Variants in GPAM observed in about 807,000 individuals in gnomAD.
GPAM encodes the protein glycerol-3-phosphate acyltransferase 1, mitochondrial.
In GPAM, 56 loss-of-function variants were observed where a neutral mutation model predicts 105.0. That is an observed-to-expected ratio of 0.53 (90% confidence interval 0.43 to 0.67). The LOEUF (loss-of-function observed/expected upper bound fraction) is 0.67. Ranked by LOEUF, GPAM falls within the 30% of genes least tolerant of loss-of-function variation. The probability of loss-of-function intolerance (pLI) is 0.00; values close to 1 mark genes in which losing one functional copy is unlikely to be tolerated. For synonymous variants in GPAM, 368 were observed against 354.4 expected (o/e 1.04, Z -0.43); for missense variants, 855 against 989.8 (o/e 0.86, Z 1.83).
chr10:112,185,571 G>GACACACACACAC (rs55812271), upstream of GPAM, among the ~76,000 whole-genome samples: 3 of 143,692 alleles, frequency 2.1e-5, no homozygotes, highest in African/African-American at 7.8e-5. Flanking sequence ...CACACACACA[G>GACACACACACAC]ACACACACAC....
At chr10:112,157,753 G>A (rs1486698384) in intron 18 of GPAM, among the ~76,000 whole-genome samples, 1 of 152,196 alleles carries the variant, frequency 6.6e-6, no homozygotes, top group Admixed American at 6.5e-5. Flanking sequence ...ATACTGATAG[G>A]TGTAACGTCT....
At chr10:112,216,549 C>T (rs1847970843), upstream of GPAM, among the ~76,000 whole-genome samples, 1 of 152,180 alleles carries the variant, frequency 6.6e-6, no homozygotes, top group African/African-American at 2.4e-5. Flanking sequence ...GGACCCCCTG[C>T]AGGGCTCCTA....
rs140510756 is a variant in GPAM, at chr10:112,209,914, C to A, written n.210+5254G>T. Among the ~76,000 whole-genome samples the A allele has an allele frequency of 3.4e-3, 517 of 152,346 alleles. 3 individuals carry two copies. Among genetic ancestry groups the A allele is most frequent in the African/African-American group, 0.012 (493 of 41,590 alleles). On this transcript the variant is annotated intron_variant and non_coding_transcript_variant, in intron 1 of 3. Transcript: ENST00000480130. ...ACAGCTACACTTCCCGCCAGCCCCA[C>A]AGGGCATGGGTAGAGTTTGCATGCA...
Position 112,180,470 on chromosome 10 carries a change from T to C in GPAM, c.225+3A>G. On this transcript the variant is annotated splice_donor_region_variant and intron_variant, in intron 4 of 21. Coordinates refer to ENST00000348367, the MANE Select transcript of GPAM (RefSeq NM_001244949.2). ...TAGGGTCAATAAGCAGTAAGGTTCTTACCCAGCTCTGGGGAGTGCAGGAGT... is the reference window on the plus strand; with the variant it reads ...TAGGGTCAATAAGCAGTAAGGTTCTCACCCAGCTCTGGGGAGTGCAGGAGT... 2 of 1,613,632 alleles carry C rather than the reference T, an allele frequency of 1.2e-6. No individual in the cohort carries two copies. Among genetic ancestry groups the C allele is most frequent in the South Asian group, 1.1e-5 (1 of 91,064 alleles).
At chr10:112,179,825 C>T (rs879582056) in intron 4 of GPAM, among the ~76,000 whole-genome samples, 3 of 152,192 alleles carry the variant, frequency 2.0e-5, no homozygotes, top group Non-Finnish European at 4.4e-5. Context: ...AACACAACTA[C>T]GTGAAGTTCT....
intron 7 of GPAM, 102 bp from the exon 8 acceptor site, chr10:112,173,168 T>C (rs1847342781): frequency 1.3e-6 from 1 of 746,724 alleles, no homozygotes; most frequent in Non-Finnish European, 2.4e-6. Flanking sequence ...TTTATGGACC[T>C]ACAACCTCAA....
chr10:112,176,590 C>T (rs773722762), intron 5 of GPAM, among the ~76,000 whole-genome samples: 2 of 152,148 alleles, frequency 1.3e-5, no homozygotes, highest in Non-Finnish European at 2.9e-5. Flanking sequence ...CTTTTTCTTC[C>T]TCCCTTCCTT....
rs1846899654 is a variant in GPAM, at chr10:112,150,679, C to G, written c.*2871G>C. The G allele has an allele frequency of 2.2e-6, 2 of 922,462 alleles. No homozygotes were observed. The highest frequency in any genetic ancestry group is 2.6e-6 in the Non-Finnish European group (2 of 772,758). The allele number at this position is 922,462 out of a possible 1,614,324, so 57.1% of individuals were successfully genotyped here. The stretch of plus-strand genomic sequence containing the variant: ...ATAGTTTGGGCAATGCTGGGTTAGA[C>G]AGTTTTTCACTACCGGATGCCAAGC... On this transcript the variant is annotated 3_prime_UTR_variant, in exon 22 of 22. Transcript: ENST00000348367.
intron 1 of GPAM, among the ~76,000 whole-genome samples, chr10:112,201,131 T>C (rs1296832982): frequency 2.0e-5 from 3 of 152,148 alleles, no homozygotes; most frequent in Admixed American, 6.5e-5. Flanking sequence ...GGTAGTGACA[T>C]TGGCCAGAAG....
chr10:112,161,783 C>A, intron 14 of GPAM, 46 bp from the exon 15 acceptor site: 1 of 1,456,210 alleles, frequency 6.9e-7, no homozygotes, highest in Non-Finnish European at 9.6e-7. Context: ...TTTTTACAAA[C>A]ATAGCTGAAC....
At position 112,153,344 on chromosome 10, in the gene GPAM, C is replaced by T; in HGVS notation, c.*206G>A. 2.0e-6 allele frequency: 3 copies of T among 1,481,078 alleles called. No homozygotes were observed. The highest frequency in any genetic ancestry group is 1.8e-6 in the Non-Finnish European group (2 of 1,121,348). The allele number at this position is 1,481,078 out of a possible 1,614,324, so 91.7% of individuals were successfully genotyped here. Reference sequence around the variant, plus strand: ...TTGCGAATAGAGGCTGAGGTCCCCCCAAGTGTTATCTGCAGGCTGCTGTGT... The same window carrying T: ...TTGCGAATAGAGGCTGAGGTCCCCCTAAGTGTTATCTGCAGGCTGCTGTGT... On this transcript the variant is annotated 3_prime_UTR_variant, in exon 22 of 22. Transcript: ENST00000348367.
chr10:112,213,742 C>T (rs1000721622), intron 1 of GPAM, among the ~76,000 whole-genome samples: 4 of 152,256 alleles, frequency 2.6e-5, no homozygotes, highest in Admixed American at 6.5e-5. Context: ...GACAAGATAA[C>T]ATGTGATAAG....
chr10:112,206,732 G>C (rs1396648670), intron 1 of GPAM, among the ~76,000 whole-genome samples: 1 of 150,794 alleles, frequency 6.6e-6, no homozygotes, highest in Admixed American at 6.6e-5. Context: ...TGACACGTTA[G>C]TGTGTGCAGT....
Position 112,151,134 on chromosome 10 carries a change from C to G in GPAM, c.*2416G>C. 1.0e-6 allele frequency: 1 copy of G among 983,130 alleles called. No homozygotes were observed. The highest frequency in any genetic ancestry group is 1.2e-6 in the Non-Finnish European group (1 of 827,880). 60.9% of individuals were successfully genotyped at this position (983,130 alleles called of 1,614,324 possible). On this transcript the variant is annotated 3_prime_UTR_variant, in exon 22 of 22. Transcript: ENST00000348367. The stretch of plus-strand genomic sequence containing the variant: ...TATTGTTTTTTTTTTTTAACTTGAC[C>G]ACAGTCTTCCCCTGAAGAAGGGCAT...
chr10:112,181,872 T>A, intron 2 of GPAM, 59 bp from the exon 3 acceptor site: 3 of 778,442 alleles, frequency 3.9e-6, no homozygotes, highest in Non-Finnish European at 6.8e-6. Context: ...ATACTAGAAC[T>A]CAAAATTCTG....
intron 1 of GPAM, among the ~76,000 whole-genome samples, chr10:112,200,227 G>GTGTATA (rs1467375583): frequency 3.6e-4 from 31 of 84,982 alleles, no homozygotes; most frequent in Middle Eastern, 6.9e-3. Context: ...CACACTATAT[G>GTGTATA]TATATATATA....
Position 112,151,285 on chromosome 10 carries a change from A to G in GPAM, c.*2265T>C. 1.7e-5 allele frequency: 17 copies of G among 985,656 alleles called. No individual in the cohort carries two copies. The highest frequency in any genetic ancestry group is 2.0e-5 in the Non-Finnish European group (17 of 829,850). 61.1% of individuals were successfully genotyped at this position (985,656 alleles called of 1,614,324 possible). On this transcript the variant is annotated 3_prime_UTR_variant, in exon 22 of 22. Transcript: ENST00000348367. ...CAATGAGAATGTATCTTTTAGCAAA[A>G]CGGTGCTATCTGGAAGCTTCATTGT...
intron 17 of GPAM, among the ~76,000 whole-genome samples, chr10:112,159,216 C>CTTTT (rs35513817): frequency 0.016 from 1,372 of 86,958 alleles, 119 homozygotes; most frequent in African/African-American, 0.056. Context: ...AGATGATTTT[C>CTTTT]TTTTTTTTTT....
intron 1 of GPAM, among the ~76,000 whole-genome samples, chr10:112,191,037 C>T (rs894616756): frequency 1.3e-5 from 2 of 152,292 alleles, no homozygotes; most frequent in South Asian, 2.1e-4. Context: ...TTCCTGGGCT[C>T]AAGCATAAGG....
Sources: gnomAD v4.1 joint callset for allele counts (sites outside exome capture counted in the v4.1 genomes callset) on GRCh38, gnomAD v4.1.1 for gene constraint, MANE v1.5 for transcripts, NCBI Gene and HGNC (gene_info 2026-07-23, HGNC 2026-07-21) for gene names.